Variants in SERP2 observed in about 807,000 individuals in gnomAD.
SERP2 encodes stress associated endoplasmic reticulum protein family member 2, also known as stress-associated endoplasmic reticulum protein 2.
In SERP2, 6 loss-of-function variants were observed where a neutral mutation model predicts 9.1. The observed-to-expected ratio is 0.66, with a 90% CI of 0.36 to 1.30. The LOEUF is 1.30. Ranked by LOEUF, SERP2 falls within the 50% of genes most tolerant of loss-of-function variation. The pLI, the probability that SERP2 is intolerant of heterozygous loss-of-function variation, is 0.03. For synonymous variants in SERP2, 37 were observed against 27.3 expected, an observed-to-expected ratio of 1.35 and a Z score of -1.10; for missense variants, 58 against 81.9, an observed-to-expected ratio of 0.71 and a Z score of 1.13.
At chr13:44,382,436 CAAAAA>C (rs71202274) in intron 2 of SERP2, among the ~76,000 whole-genome samples, 3 of 45,666 alleles carry the variant, frequency 6.6e-5, no homozygotes, top group Non-Finnish European at 7.7e-5. Flanking sequence ...GACTCCGTCT[CAAAAA>C]AAAAAAAAAA....
At chr13:44,390,694 TA>T (rs2138794583) in intron 2 of SERP2, 1 of 175,520 alleles carries the variant, frequency 5.7e-6, no homozygotes, top group East Asian at 1.7e-4. Context: ...TCTTTGCTAA[TA>T]ACATCTGGGT....
intron 2 of SERP2, among the ~76,000 whole-genome samples, chr13:44,383,526 A>T (rs1400426702): frequency 7.6e-6 from 1 of 132,210 alleles, no homozygotes; most frequent in Non-Finnish European, 1.6e-5. Context: ...TGTTAGCTCC[A>T]CCTCTCTGGA....
At chr13:44,374,179 G>GA in intron 1 of SERP2, 70 bp downstream of exon 1, 2 of 874,348 alleles carry the variant, frequency 2.3e-6, no homozygotes, top group Non-Finnish European at 3.2e-6. Context: ...GGTGGGGGCG[G>GA]GGCCGGGCGG....
At chr13:44,385,998 C>T (rs932187002) in intron 2 of SERP2, among the ~76,000 whole-genome samples, 4 of 152,186 alleles carry the variant, frequency 2.6e-5, no homozygotes, top group Non-Finnish European at 2.9e-5. Flanking sequence ...CTCGACCTCT[C>T]ACACTGGTCT....
intron 2 of SERP2, among the ~76,000 whole-genome samples, chr13:44,393,276 G>A (rs1328510855): frequency 4.6e-5 from 7 of 152,182 alleles, no homozygotes; most frequent in Admixed American, 4.6e-4. Flanking sequence ...GGAAGAGAGG[G>A]CCCTGTGGAT....
chr13:44,386,506 C>T (rs1872325882), intron 2 of SERP2, among the ~76,000 whole-genome samples: 1 of 152,200 alleles, frequency 6.6e-6, no homozygotes. Flanking sequence ...GTCTCAGCTT[C>T]CCAAGTAGCT....
intron 2 of SERP2, among the ~76,000 whole-genome samples, chr13:44,385,055 T>G (rs1015257921): frequency 6.6e-6 from 1 of 152,208 alleles, no homozygotes; most frequent in Non-Finnish European, 1.5e-5. Context: ...GAGTTAGGAC[T>G]GGTAAGAAGC....
intron 2 of SERP2, among the ~76,000 whole-genome samples, chr13:44,396,878 A>G (rs1261835700): frequency 6.6e-6 from 1 of 152,234 alleles, no homozygotes; most frequent in East Asian, 1.9e-4. Context: ...TACAGGTCAC[A>G]GCCATTTTGA....
At chr13:44,384,522 T>A (rs1053264498) in intron 2 of SERP2, among the ~76,000 whole-genome samples, 4 of 152,194 alleles carry the variant, frequency 2.6e-5, no homozygotes, top group Admixed American at 2.6e-4. Context: ...ACATCTCACA[T>A]CTGCCTGTTT....
chr13:44,395,740 C>G (rs1011344320), intron 2 of SERP2: 3 of 453,574 alleles, frequency 6.6e-6, no homozygotes, highest in African/African-American at 6.0e-5. Context: ...CCCTGACACT[C>G]ACATGGAGCT....
intron 2 of SERP2, 121 bp downstream of exon 2, chr13:44,379,834 C>A: frequency 1.5e-6 from 1 of 645,810 alleles, no homozygotes; most frequent in Non-Finnish European, 2.7e-6. Context: ...TTTATCACTG[C>A]CTTAAGCCTT....
intron 2 of SERP2, among the ~76,000 whole-genome samples, chr13:44,381,817 TC>T (rs1295908414): frequency 6.6e-6 from 1 of 152,222 alleles, no homozygotes; most frequent in East Asian, 1.9e-4. Flanking sequence ...CTCTCCTGTC[TC>T]CATCACATAT....
At chr13:44,382,127 A>G (rs1318116282) in intron 2 of SERP2, among the ~76,000 whole-genome samples, 30 of 151,974 alleles carry the variant, frequency 2.0e-4, no homozygotes, top group Non-Finnish European at 4.4e-5. Flanking sequence ...TTATTCTCAA[A>G]GAAGAACGAT....
intron 1 of SERP2, among the ~76,000 whole-genome samples, chr13:44,376,738 G>A (rs1226590644): frequency 2.0e-5 from 3 of 151,788 alleles, no homozygotes; most frequent in Admixed American, 6.6e-5. Context: ...TCACGCCACC[G>A]CACTCCAGTC....
intron 2 of SERP2, among the ~76,000 whole-genome samples, chr13:44,384,306 T>C (rs546550741): frequency 1.3e-5 from 2 of 152,344 alleles, no homozygotes; most frequent in South Asian, 4.1e-4. Flanking sequence ...CTAGAGTTTA[T>C]CCTGTTTTAG....
At chr13:44,383,034 T>C (rs976833197) in intron 2 of SERP2, among the ~76,000 whole-genome samples, 1 of 151,500 alleles carries the variant, frequency 6.6e-6, no homozygotes, top group Admixed American at 6.6e-5. Flanking sequence ...AGACAAAGGG[T>C]GTGAGGAAGG....
intron 2 of SERP2, among the ~76,000 whole-genome samples, chr13:44,390,074 T>G (rs1183919572): frequency 6.6e-6 from 1 of 152,238 alleles, no homozygotes; most frequent in African/African-American, 2.4e-5. Flanking sequence ...TCCCTCTTAC[T>G]GTTTCCCTAG....
chr13:44,390,467 A>T (rs1360605463), intron 2 of SERP2: 1 of 456,388 alleles, frequency 2.2e-6, no homozygotes, highest in Non-Finnish European at 4.4e-6. Context: ...TGTTTAAAGG[A>T]ACTGGCTGGC....
chr13:44,393,288 G>C (rs187582347), intron 2 of SERP2, among the ~76,000 whole-genome samples: 4 of 152,330 alleles, frequency 2.6e-5, no homozygotes, highest in African/African-American at 9.6e-5. Flanking sequence ...CCTGTGGATG[G>C]AGATGTGGAG....
Sources: gnomAD v4.1 joint callset for allele counts (sites outside exome capture counted in the v4.1 genomes callset) on GRCh38, gnomAD v4.1.1 for gene constraint, MANE v1.5 for transcripts, NCBI Gene and HGNC (gene_info 2026-07-23, HGNC 2026-07-21) for gene names.